CNOT1: variants seen among roughly 807,000 people sequenced by gnomAD.
CNOT1 encodes the protein CCR4-NOT transcription complex subunit 1.
A neutral mutation model predicts 273.8 loss-of-function variants in CNOT1; 15 were observed. The observed-to-expected ratio is 0.05, with a 90% CI of 0.04 to 0.08. The LOEUF (loss-of-function observed/expected upper bound fraction) is 0.08, where lower values mean the gene tolerates loss of function less well. Among genes scored for constraint, CNOT1 ranks in the 10% least tolerant of loss-of-function variants. The pLI is 1.00. For missense variants in CNOT1, 1,644 were observed against 2,912.2 expected (o/e 0.56, Z 10.02); for synonymous variants, 1,022 against 1,005.5 (o/e 1.02, Z -0.31).
chr16:58,566,139 A>G (rs1030498840), intron 16 of CNOT1, among the ~76,000 whole-genome samples: 4 of 152,220 alleles, frequency 2.6e-5, no homozygotes, highest in Non-Finnish European at 5.9e-5. Context: ...GGTATCTGAC[A>G]GGTTTTTCTG....
chr16:58,557,112 A>G, intron 18 of CNOT1, 119 bp from the exon 19 acceptor site: 1 of 1,313,512 alleles, frequency 7.6e-7, no homozygotes, highest in Non-Finnish European at 1.0e-6. Context: ...CTCTTACTTT[A>G]AAAGTCAGAG....
At position 58,534,338 on chromosome 16, in the gene CNOT1, A is replaced by C; in HGVS notation, c.5704T>G (p.Cys1902Gly). 6.2e-7 allele frequency: 1 copy of C among 1,614,212 alleles called. No homozygotes were observed. The highest frequency in any genetic ancestry group is 8.5e-7 in the Non-Finnish European group (1 of 1,180,040). The change falls in exon 40 of 49, where the codon TGT becomes GGT. Residue 1902 changes from cysteine (C) to glycine (G), a missense_variant. By Grantham distance (159) the Cys-to-Gly change is radical (BLOSUM62 -3). Transcript: ENST00000317147. Reference protein sequence around the residue: ...DDLITRFFRLCTEMCVEISYR... With the variant: ...DDLITRFFRLGTEMCVEISYR... ...CTGATTTCAACACACATTTCAGTAC[A>C]CAGACGAAAGAACCTTGTTATGAGA...
At chr16:58,562,303 G>C (rs2040880035) in intron 16 of CNOT1, among the ~76,000 whole-genome samples, 1 of 151,124 alleles carries the variant, frequency 6.6e-6, no homozygotes, top group Non-Finnish European at 1.5e-5. Flanking sequence ...GGAGTTTCGA[G>C]ACCAGCCTGT....
At chr16:58,563,927 A>AC (rs2040946915) in intron 16 of CNOT1, among the ~76,000 whole-genome samples, 1 of 152,226 alleles carries the variant, frequency 6.6e-6, no homozygotes, top group African/African-American at 2.4e-5. Context: ...GCTCACTGCA[A>AC]CACTGTATGT....
intron 2 of CNOT1, among the ~76,000 whole-genome samples, chr16:58,590,538 T>G (rs1211266248): frequency 6.6e-6 from 1 of 151,710 alleles, no homozygotes; most frequent in Non-Finnish European, 1.5e-5. Flanking sequence ...GAGGTTGCAG[T>G]GAGCAGAGAT....
chr16:58,593,559 G>A lies in CNOT1; in HGVS notation c.103-4653C>T, dbSNP rs542302800. On this transcript the variant is annotated intron_variant, in intron 2 of 48. Coordinates refer to ENST00000317147, the MANE Select transcript of CNOT1 (RefSeq NM_016284.5). ...ACCTGGGCAACAAGAGCGAAACTCC[G>A]TCTCAAGGGAAAAAAAAAAAAAAAG... 5.5e-5 allele frequency among the ~76,000 whole-genome samples: 6 copies of A among 109,618 alleles called. No individual in the cohort carries two copies. The East Asian group carries it at 7.3e-4, about 13-fold the overall frequency. 71.9% of individuals were successfully genotyped at this position (109,618 alleles called of 152,430 possible).
intron 17 of CNOT1, 113 bp from the exon 18 acceptor site, chr16:58,558,787 CCACT>C (rs1350444689): frequency 3.6e-6 from 5 of 1,376,216 alleles, no homozygotes; most frequent in African/African-American, 2.9e-5. Flanking sequence ...ACTATTACAC[CCACT>C]CAATCACGAT....
intron 42 of CNOT1, among the ~76,000 whole-genome samples, chr16:58,531,326 C>T (rs2039773185): frequency 6.6e-6 from 1 of 152,200 alleles, no homozygotes; most frequent in Non-Finnish European, 1.5e-5. Context: ...AAGAATGGTA[C>T]TTTCTGCAGT....
At chr16:58,555,056 C>G (rs1316200250) in intron 21 of CNOT1, among the ~76,000 whole-genome samples, 195 bp downstream of exon 21, 1 of 150,524 alleles carries the variant, frequency 6.6e-6, no homozygotes, top group Non-Finnish European at 1.5e-5. Context: ...ACAAAAATTA[C>G]AAAAGGCTGG....
At chr16:58,581,657 T>C (rs12924469) in intron 10 of CNOT1, 142 bp from the exon 11 acceptor site, 18 of 1,281,706 alleles carry the variant, frequency 1.4e-5, no homozygotes, top group Non-Finnish European at 1.8e-5. Flanking sequence ...AAACCCATTC[T>C]TTTTTTTTCT....
Position 58,616,565 on chromosome 16 carries a change from C to T in CNOT1, c.-175+13163G>A, listed in dbSNP as rs1238513475. 3.9e-5 allele frequency among the ~76,000 whole-genome samples: 6 copies of T among 152,008 alleles called. No individual in the cohort carries two copies. In the East Asian group the frequency reaches 7.7e-4, roughly 19 times the overall value. On this transcript the variant is annotated intron_variant, in intron 1 of 48. Transcript: ENST00000317147. ...AGCCACAGCATCCAGCTGGTTTTTT[C>T]GTTTTTTGTTTTTAAAGGAAAACAA...
chr16:58,540,493 A>G (rs1020948333), intron 34 of CNOT1, among the ~76,000 whole-genome samples: 1 of 152,262 alleles, frequency 6.6e-6, no homozygotes, highest in African/African-American at 2.4e-5. Flanking sequence ...TATAATATTC[A>G]GAAGTGTTAT....
intron 1 of CNOT1, among the ~76,000 whole-genome samples, chr16:58,619,028 T>C (rs1200223722): frequency 6.6e-6 from 1 of 152,040 alleles, no homozygotes; most frequent in African/African-American, 2.4e-5. Context: ...CCCCCATCAC[T>C]ATAAAAAAAC....
intron 40 of CNOT1, 59 bp downstream of exon 40, chr16:58,534,080 TAATAAATA>T (rs966911931): frequency 1.0e-5 from 13 of 1,280,666 alleles, no homozygotes; most frequent in Non-Finnish European, 1.3e-5. Context: ...AAAATAATAA[TAATAAATA>T]AATAAATAAA....
At position 58,520,742 on chromosome 16, in the gene CNOT1, T is replaced by C. The variant is rs989374878; in HGVS notation, c.*216A>G. ...CAAGTTCAAAATGATATTCACAGCA[T>C]CTTCTAAATTTTGGCCAAGAGTCAA... On this transcript the variant is annotated 3_prime_UTR_variant, in exon 49 of 49. Coordinates refer to ENST00000317147, the MANE Select transcript of CNOT1 (RefSeq NM_016284.5). 16 of 567,326 alleles carry C rather than the reference T, an allele frequency of 2.8e-5. No homozygotes were observed. Among genetic ancestry groups the C allele is most frequent in the Non-Finnish European group, 4.4e-5 (14 of 317,372 alleles). The allele number at this position is 567,326 out of a possible 1,614,324, so 35.1% of individuals were successfully genotyped here.
chr16:58,557,082 T>C, intron 18 of CNOT1, 89 bp from the exon 19 acceptor site: 1 of 1,461,400 alleles, frequency 6.8e-7, no homozygotes, highest in South Asian at 1.4e-5. Context: ...AGACAGACTT[T>C]TAAAATAAAG....
chr16:58,607,640 C>T (rs1262566962), intron 1 of CNOT1, among the ~76,000 whole-genome samples: 1 of 146,826 alleles, frequency 6.8e-6, no homozygotes, highest in Non-Finnish European at 1.5e-5. Context: ...GCAGGAAAAT[C>T]ACTTGAATCC....
chr16:58,574,108 G>A (rs1378131768), intron 16 of CNOT1, among the ~76,000 whole-genome samples: 3 of 151,904 alleles, frequency 2.0e-5, no homozygotes, highest in Admixed American at 6.6e-5. Context: ...AAAAGAAGAA[G>A]AAGAAGAAGA....
At chr16:58,598,998 C>T (rs1334361677) in intron 2 of CNOT1, 3 of 352,616 alleles carry the variant, frequency 8.5e-6, no homozygotes, top group Admixed American at 4.1e-5. Flanking sequence ...ATGCAGTGAG[C>T]CGAGATCATG....
Sources: gnomAD v4.1 joint callset for allele counts (sites outside exome capture counted in the v4.1 genomes callset) on GRCh38, gnomAD v4.1.1 for gene constraint, MANE v1.5 for transcripts, NCBI Gene and HGNC (gene_info 2026-07-23, HGNC 2026-07-21) for gene names.